The following SLC14A2 variants were observed in gnomAD, a reference collection of about 807,000 sequenced individuals.
The protein encoded by SLC14A2 is urea transporter 2.
SLC14A2 carries 91 observed loss-of-function variants against 104.6 expected under a neutral mutation model. The ratio of observed to expected loss-of-function variants is 0.87; its 90% CI spans 0.73 to 1.04. The LOEUF is 1.04. SLC14A2 is among the 50% of genes least tolerant of loss of function. The pLI is 0.00. For missense variants in SLC14A2, 1,189 were observed against 1,156.0 expected (o/e 1.03, Z -0.41); for synonymous variants, 476 against 466.4 (o/e 1.02, Z -0.27).
chr18:45,491,842 A>C (rs2043007882), intron 2 of SLC14A2, among the ~76,000 whole-genome samples: 1 of 152,208 alleles, frequency 6.6e-6, no homozygotes, highest in South Asian at 2.1e-4. Flanking sequence ...CTGCTGAGCA[A>C]GGTCACCAAG....
intron 1 of SLC14A2, among the ~76,000 whole-genome samples, chr18:45,403,852 C>T (rs1276944027): frequency 6.6e-6 from 1 of 152,148 alleles, no homozygotes; most frequent in Admixed American, 6.6e-5. Context: ...GCCTCAGTGA[C>T]TCCTCATCAC....
At chr18:45,521,753 G>T (rs932255127) in intron 2 of SLC14A2, among the ~76,000 whole-genome samples, 1 of 152,094 alleles carries the variant, frequency 6.6e-6, no homozygotes, top group African/African-American at 2.4e-5. Flanking sequence ...TGTCAAAAAT[G>T]CAGGTTCCCA....
chr18:45,657,325 C>CA lies in SLC14A2; in HGVS notation c.1352-6448dup, dbSNP rs376881497. Among the ~76,000 whole-genome samples, 940 of 141,842 alleles carry CA rather than the reference C, an allele frequency of 6.6e-3. 10 individuals carry two copies. Among genetic ancestry groups the CA allele is most frequent in the African/African-American group, 0.018 (725 of 39,192 alleles). 93.1% of individuals were successfully genotyped at this position (141,842 alleles called of 152,430 possible). On this transcript the variant is annotated intron_variant, in intron 10 of 19. Transcript: ENST00000255226. ...CATCTCTACTAAAAATACAAAAATA[C>CA]AAAAAAAAAAAATTAGCTAGGAGTG...
intron 2 of SLC14A2, among the ~76,000 whole-genome samples, chr18:45,512,615 C>A (rs995183831): frequency 6.6e-6 from 1 of 152,170 alleles, no homozygotes; most frequent in Non-Finnish European, 1.5e-5. Flanking sequence ...AGAAAAATGA[C>A]AGCTTGATGG....
the SLC14A2 span, among the ~76,000 whole-genome samples, chr18:45,185,639 G>C: frequency 3.9e-5 from 6 of 151,968 alleles, no homozygotes; most frequent in Non-Finnish European, 7.4e-5. Flanking sequence ...AAAAGTTCTA[G>C]CCAGTGAAAT....
intron 1 of SLC14A2, among the ~76,000 whole-genome samples, chr18:45,226,208 T>C (rs1264703805): frequency 6.6e-6 from 1 of 152,204 alleles, no homozygotes; most frequent in Non-Finnish European, 1.5e-5. Flanking sequence ...GGAACACTTT[T>C]ACACTGTTGG....
At chr18:45,190,824 G>A in the SLC14A2 span, among the ~76,000 whole-genome samples, 2 of 152,186 alleles carry the variant, frequency 1.3e-5, no homozygotes, top group Non-Finnish European at 2.9e-5. Context: ...GAGAAAACTA[G>A]CACTCAGAGG....
At chr18:45,274,205 G>A (rs2084679046) in intron 1 of SLC14A2, among the ~76,000 whole-genome samples, 1 of 152,122 alleles carries the variant, frequency 6.6e-6, no homozygotes, top group Non-Finnish European at 1.5e-5. Flanking sequence ...GCTGTGATTT[G>A]GCTGGGTTCT....
intron 1 of SLC14A2, among the ~76,000 whole-genome samples, chr18:45,245,851 A>T (rs1399545315): frequency 6.6e-6 from 1 of 152,226 alleles, no homozygotes; most frequent in Non-Finnish European, 1.5e-5. Flanking sequence ...CTTCTACCAG[A>T]CTAAAAGCTG....
chr18:45,592,071 T>C (rs2044655146), intron 2 of SLC14A2, among the ~76,000 whole-genome samples: 1 of 152,182 alleles, frequency 6.6e-6, no homozygotes, highest in African/African-American at 2.4e-5. Context: ...CAGTAATCAC[T>C]GGGGTCAAGA....
intron 1 of SLC14A2, among the ~76,000 whole-genome samples, chr18:45,279,847 G>A (rs1367031990): frequency 1.3e-5 from 2 of 152,128 alleles, no homozygotes; most frequent in African/African-American, 2.4e-5. Flanking sequence ...CACTCTGCAA[G>A]ACATTTAATA....
At chr18:45,667,728 T>C in intron 13 of SLC14A2, 105 bp from the exon 14 acceptor site, 1 of 916,270 alleles carries the variant, frequency 1.1e-6, no homozygotes, top group Non-Finnish European at 1.7e-6. Context: ...GCTGGCTTCC[T>C]GCAAACCCAC....
chr18:45,624,196 T>A (rs966594758), intron 1 of SLC14A2, among the ~76,000 whole-genome samples: 2 of 152,134 alleles, frequency 1.3e-5, no homozygotes, highest in Non-Finnish European at 2.9e-5. Context: ...TTGTAAGCAA[T>A]GTAGCCTCCA....
At chr18:45,641,860 C>T (rs772870952) in intron 8 of SLC14A2, among the ~76,000 whole-genome samples, 7 of 152,216 alleles carry the variant, frequency 4.6e-5, no homozygotes, top group Non-Finnish European at 8.8e-5. Context: ...TATGGAAGCT[C>T]GATTTCCATA....
At position 45,308,652 on chromosome 18, in the gene SLC14A2, C is replaced by T. The variant is rs552301718; in HGVS notation, c.-125+95461C>T. ...TGATTCTCCTTGGAGCTGTCAGTGC[C>T]GCCTCCCTCCCTTCCTCTCAGGTTG... On this transcript the variant is annotated intron_variant, in intron 1 of 20. Transcript: ENST00000586448. Among the ~76,000 whole-genome samples, 14 of 152,250 alleles carry T rather than the reference C, an allele frequency of 9.2e-5. No homozygotes were observed. The East Asian group carries it at 2.1e-3, about 23-fold the overall frequency.
At chr18:45,400,710 A>T (rs2086086518) in intron 1 of SLC14A2, among the ~76,000 whole-genome samples, 5 of 152,168 alleles carry the variant, frequency 3.3e-5, no homozygotes, top group Admixed American at 3.3e-4. Flanking sequence ...TAATTCCATC[A>T]TTCCTTCTAC....
intron 2 of SLC14A2, among the ~76,000 whole-genome samples, chr18:45,594,176 AG>A (rs1488650072): frequency 6.6e-6 from 1 of 152,206 alleles, no homozygotes; most frequent in African/African-American, 2.4e-5. Flanking sequence ...GGGGGACAAG[AG>A]GGAAGGGTTA....
chr18:45,604,302 A>AT (rs1386475183), intron 2 of SLC14A2, among the ~76,000 whole-genome samples: 2 of 152,204 alleles, frequency 1.3e-5, no homozygotes, highest in African/African-American at 4.8e-5. Flanking sequence ...GCCATTCACC[A>AT]TCATGTGGAG....
chr18:45,632,602 T>G, intron 5 of SLC14A2, 124 bp downstream of exon 5: 2 of 1,013,968 alleles, frequency 2.0e-6, no homozygotes, highest in Non-Finnish European at 1.5e-6. Flanking sequence ...AGTTAGCTTG[T>G]CTGACACCAT....
Sources: gnomAD v4.1 joint callset for allele counts (sites outside exome capture counted in the v4.1 genomes callset) on GRCh38, gnomAD v4.1.1 for gene constraint, MANE v1.5 for transcripts, NCBI Gene and HGNC (gene_info 2026-07-23, HGNC 2026-07-21) for gene names.